ADGRL4: variants seen among roughly 807,000 people sequenced by gnomAD.
ADGRL4 encodes EGF, latrophilin and seven transmembrane domain containing 1.
Under a neutral mutation model 74.8 loss-of-function variants are expected in ADGRL4, and 90 were observed. The observed-to-expected ratio is 1.20, with a 90% CI of 1.02 to 1.43. The LOEUF (loss-of-function observed/expected upper bound fraction) is 1.43, where lower values mean the gene tolerates loss of function less well. ADGRL4 is among the 40% of genes most tolerant of loss of function. The pLI is 0.00. For missense variants in ADGRL4, 881 were observed against 814.3 expected (o/e 1.08, Z -1.00); for synonymous variants, 311 against 279.2 (o/e 1.11, Z -1.14).
intron 2 of ADGRL4, among the ~76,000 whole-genome samples, chr1:78,973,796 T>A (rs1650223409): frequency 6.6e-6 from 1 of 151,822 alleles, no homozygotes; most frequent in African/African-American, 2.4e-5. Context: ...AGTGGTTTTG[T>A]TTTATGTTTC....
chr1:78,968,487 C>G (rs1650100659), intron 2 of ADGRL4, among the ~76,000 whole-genome samples: 1 of 5,642 alleles, frequency 1.8e-4, no homozygotes, highest in Non-Finnish European at 3.7e-4. Context: ...TCGCTCTCTA[C>G]TGGGGTGGAG....
chr1:78,914,413 G>A (rs1444507676), intron 12 of ADGRL4, among the ~76,000 whole-genome samples: 3 of 151,786 alleles, frequency 2.0e-5, no homozygotes, highest in African/African-American at 7.3e-5. Flanking sequence ...TTAACACGGT[G>A]AACTTAATCA....
At chr1:78,911,306 C>T (rs960561625) in intron 12 of ADGRL4, among the ~76,000 whole-genome samples, 9 of 151,878 alleles carry the variant, frequency 5.9e-5, no homozygotes, top group South Asian at 2.1e-4. Flanking sequence ...TTCAGAGAAA[C>T]GGTGAAAGCA....
chr1:78,930,774 G>T (rs200031897), intron 7 of ADGRL4, among the ~76,000 whole-genome samples: 1 of 151,262 alleles, frequency 6.6e-6, no homozygotes, highest in East Asian at 1.9e-4. Context: ...CTTTTTAGAA[G>T]AATCAGCTTT....
chr1:78,903,186 G>C (rs556075786), intron 12 of ADGRL4, among the ~76,000 whole-genome samples: 1 of 152,104 alleles, frequency 6.6e-6, no homozygotes, highest in Admixed American at 6.6e-5. Flanking sequence ...CAAGGTGGAG[G>C]AATCCACCCT....
intron 2 of ADGRL4, among the ~76,000 whole-genome samples, chr1:78,965,790 A>G (rs115879392): frequency 6.6e-6 from 1 of 152,332 alleles, no homozygotes; most frequent in African/African-American, 2.4e-5. Flanking sequence ...AAATACTAAA[A>G]GTACAGACAT....
At chr1:78,988,045 T>G (rs749099137) in intron 2 of ADGRL4, among the ~76,000 whole-genome samples, 10 of 151,780 alleles carry the variant, frequency 6.6e-5, no homozygotes, top group Admixed American at 1.3e-4. Context: ...AGTAGGAAAC[T>G]TGCAAAATGT....
chr1:78,992,503 T>C (rs1219767739), intron 2 of ADGRL4, among the ~76,000 whole-genome samples: 1 of 152,060 alleles, frequency 6.6e-6, no homozygotes, highest in Non-Finnish European at 1.5e-5. Context: ...TAAAATATTG[T>C]CTATTAGATT....
At position 78,917,927 on chromosome 1, in the gene ADGRL4, A is replaced by C; in HGVS notation, c.1585T>G (p.Leu529Val). The change falls in exon 11 of 15, where the codon TTG (leucine) becomes GTG (valine). Residue 529 changes from leucine (L) to valine (V), a missense_variant. Coordinates refer to ENST00000370742, the MANE Select transcript of ADGRL4 (RefSeq NM_022159.4). ...CCAAAGATATAAAAATTCTTGTGCA[A>C]AAATCCCTTGTTGTAGATGACACCC... is the stretch of plus-strand genomic sequence containing the variant. ...VVGVIYNKGFLHKNFYIFGYL... is the reference protein window; with the variant it reads ...VVGVIYNKGFVHKNFYIFGYL... The C allele has an allele frequency of 6.2e-7, 1 of 1,612,794 alleles. No individual in the cohort carries two copies. Among genetic ancestry groups the C allele is most frequent in the Non-Finnish European group, 8.5e-7 (1 of 1,179,152 alleles).
chr1:78,918,408 C>A (rs1648931187), intron 10 of ADGRL4, among the ~76,000 whole-genome samples: 1 of 151,700 alleles, frequency 6.6e-6, no homozygotes, highest in African/African-American at 2.4e-5. Flanking sequence ...TTTGGAGATG[C>A]CTCTCTTTTC....
At chr1:78,927,658 C>G (rs1418196146) in intron 7 of ADGRL4, among the ~76,000 whole-genome samples, 1 of 151,904 alleles carries the variant, frequency 6.6e-6, no homozygotes, top group Non-Finnish European at 1.5e-5. Flanking sequence ...ATCCATGTCC[C>G]CTAAAACTCC....
intron 1 of ADGRL4, among the ~76,000 whole-genome samples, chr1:79,006,226 A>G (rs541980242): frequency 2.6e-5 from 4 of 152,312 alleles, no homozygotes; most frequent in African/African-American, 9.6e-5. Context: ...CTAAGCCGGA[A>G]TTAGTTCACC....
intron 12 of ADGRL4, among the ~76,000 whole-genome samples, chr1:78,895,668 A>G (rs1557488997): frequency 6.6e-6 from 1 of 151,932 alleles, no homozygotes; most frequent in Non-Finnish European, 1.5e-5. Context: ...TGAGGAGCTA[A>G]GAAAGTGATA....
chr1:78,923,602 T>G (rs1325476369), intron 8 of ADGRL4, among the ~76,000 whole-genome samples: 1 of 151,652 alleles, frequency 6.6e-6, no homozygotes, highest in Non-Finnish European at 1.5e-5. Context: ...AGAAAGAAAG[T>G]CAAGAGCAAG....
At chr1:78,925,248 A>G (rs1032352722) in intron 8 of ADGRL4, among the ~76,000 whole-genome samples, 3 of 152,020 alleles carry the variant, frequency 2.0e-5, no homozygotes, top group Non-Finnish European at 2.9e-5. Flanking sequence ...TTGAGTGACC[A>G]TGAGCAAATT....
chr1:79,006,666 G>C lies in ADGRL4; in HGVS notation c.-12C>G. Reference sequence around the variant, plus strand: ...GGGAGGCGTTTCATTGGCGGTGGCCGCAGTGGTGGCGGTGGCGGAGAGCGC... The same window carrying C: ...GGGAGGCGTTTCATTGGCGGTGGCCCCAGTGGTGGCGGTGGCGGAGAGCGC... On this transcript the variant is annotated 5_prime_UTR_variant, in exon 1 of 15. Transcript: ENST00000370742. 1 of 1,494,794 alleles carries C rather than the reference G, an allele frequency of 6.7e-7. No individual in the cohort carries two copies. Among genetic ancestry groups the C allele is most frequent in the Non-Finnish European group, 8.9e-7 (1 of 1,123,868 alleles). 92.6% of individuals were successfully genotyped at this position (1,494,794 alleles called of 1,614,324 possible). A position where few individuals can be genotyped will look rare whatever the true frequency, so the allele number is the denominator to read the frequency against.
chr1:78,962,680 A>G (rs1050910234), intron 2 of ADGRL4, among the ~76,000 whole-genome samples: 1 of 152,172 alleles, frequency 6.6e-6, no homozygotes, highest in Non-Finnish European at 1.5e-5. Flanking sequence ...TTTGTTTCAT[A>G]TATAGAGATG....
In ADGRL4 at chr1:78,969,687, C is replaced by A. The variant is rs990509998; in HGVS notation, c.173-23261G>T. ...AAGTCTGTTTTGCAAATGACTCAGT[C>A]CTTTGATGATGATTTGTGGGTTTTT... On this transcript the variant is annotated intron_variant, in intron 2 of 14. Coordinates refer to ENST00000370742, the MANE Select transcript of ADGRL4 (RefSeq NM_022159.4). Among the ~76,000 whole-genome samples the A allele has an allele frequency of 2.7e-5, 4 of 148,246 alleles. No homozygotes were observed. In the Admixed American group the frequency reaches 2.7e-4, roughly 10 times the overall value.
chr1:78,986,109 C>A (rs1028836708), intron 2 of ADGRL4, among the ~76,000 whole-genome samples: 2 of 151,696 alleles, frequency 1.3e-5, no homozygotes, highest in Non-Finnish European at 2.9e-5. Context: ...ATCTGTACAT[C>A]AGACCTCTGT....
Sources: allele counts gnomAD v4.1 joint callset (sites outside exome capture counted in the v4.1 genomes callset), GRCh38; gene constraint gnomAD v4.1.1; transcripts MANE v1.5; gene names NCBI Gene and HGNC (gene_info 2026-07-23, HGNC 2026-07-21).